Variants in SERINC5 observed in about 807,000 individuals in gnomAD.
The protein encoded by SERINC5 is chromosome 5 open reading frame 12.
A neutral mutation model predicts 63.1 loss-of-function variants in SERINC5; 41 were observed. That is an observed-to-expected ratio of 0.65 (90% CI 0.51 to 0.84). SERINC5 has a LOEUF of 0.84. Ranked by LOEUF, SERINC5 falls within the 40% of genes least tolerant of loss-of-function variation. The probability of loss-of-function intolerance (pLI) is 0.00; values close to 1 mark genes in which losing one functional copy is unlikely to be tolerated. For synonymous variants in SERINC5, 222 were observed against 215.2 expected (o/e 1.03, Z -0.28); for missense variants, 523 against 573.0 (o/e 0.91, Z 0.89).
chr5:80,140,388 A>G lies in SERINC5; in HGVS notation c.*3275T>C. On this transcript the variant is annotated 3_prime_UTR_variant, in exon 12 of 12. Transcript: ENST00000507668. The stretch of plus-strand genomic sequence containing the variant: ...AGGAAATTAACATTACACTGAGGTT[A>G]TTCATAATAAAGGATCTTCTGAGGA... The G allele has an allele frequency of 1.0e-6, 1 of 982,172 alleles. No homozygotes were observed. Among genetic ancestry groups the G allele is most frequent in the Non-Finnish European group, 1.2e-6 (1 of 828,994 alleles). The allele number at this position is 982,172 out of a possible 1,614,324, so 60.8% of individuals were successfully genotyped here.
At chr5:80,172,896 C>G (rs1580108730) in intron 5 of SERINC5, among the ~76,000 whole-genome samples, 1 of 152,120 alleles carries the variant, frequency 6.6e-6, no homozygotes, top group Non-Finnish European at 1.5e-5. Flanking sequence ...CAGTCCATCC[C>G]AAAGTTAAAT....
chr5:80,247,719 G>A (rs1752225606), intron 1 of SERINC5, among the ~76,000 whole-genome samples: 1 of 152,168 alleles, frequency 6.6e-6, no homozygotes, highest in Non-Finnish European at 1.5e-5. Flanking sequence ...CAGCTCACCA[G>A]TGAGCTATAC....
chr5:80,167,242 C>T (rs1747358128), intron 6 of SERINC5: 1 of 152,164 alleles, frequency 6.6e-6, no homozygotes, highest in African/African-American at 2.4e-5. Context: ...CCCACCTCCA[C>T]CCTCTGATAG....
chr5:80,132,171 G>A (rs1385359341), intron 11 of SERINC5, among the ~76,000 whole-genome samples: 1 of 152,130 alleles, frequency 6.6e-6, no homozygotes, highest in Non-Finnish European at 1.5e-5. Context: ...AGCAATTGTT[G>A]TTTTAAACCA....
chr5:80,177,271 G>T (rs746181485), intron 4 of SERINC5, 44 bp downstream of exon 4: 2 of 1,405,352 alleles, frequency 1.4e-6, no homozygotes, highest in Non-Finnish European at 2.0e-6. Context: ...TGACAAAATG[G>T]GTAAAAACAA....
chr5:80,122,765 C>T (rs1744598940), intron 11 of SERINC5, among the ~76,000 whole-genome samples: 1 of 152,178 alleles, frequency 6.6e-6, no homozygotes, highest in Non-Finnish European at 1.5e-5. Flanking sequence ...ATGGCAGCAC[C>T]ACGTGAGAAG....
intron 1 of SERINC5, among the ~76,000 whole-genome samples, chr5:80,206,811 CTTTTTTTTT>C (rs35026792): frequency 8.5e-6 from 1 of 117,794 alleles, no homozygotes; most frequent in Non-Finnish European, 1.7e-5. Context: ...TCACTGATTG[CTTTTTTTTT>C]TTTTTTTTTT....
intron 1 of SERINC5, among the ~76,000 whole-genome samples, chr5:80,230,571 C>A (rs966233): frequency 0.53 from 80,676 of 151,492 alleles, 22,803 homozygotes; most frequent in African/African-American, 0.73. Flanking sequence ...CAACAACAGC[C>A]GCCACTCTCA....
At chr5:80,158,548 G>A (rs760424547) in intron 8 of SERINC5, 5 of 300,328 alleles carry the variant, frequency 1.7e-5, no homozygotes, top group African/African-American at 2.1e-5. Context: ...GTTAGGCAAC[G>A]GTGCTGCAAC....
chr5:80,132,861 A>G (rs1161448601), intron 11 of SERINC5, among the ~76,000 whole-genome samples: 1 of 152,212 alleles, frequency 6.6e-6, no homozygotes, highest in Non-Finnish European at 1.5e-5. Context: ...GAAAACCTAA[A>G]GCCAATTGCT....
intron 11 of SERINC5, among the ~76,000 whole-genome samples, chr5:80,117,893 A>AGT (rs1409236020): frequency 3.3e-5 from 5 of 151,842 alleles, no homozygotes; most frequent in Non-Finnish European, 7.4e-5. Context: ...TTTTCTCCTC[A>AGT]GTGTGTCTCT....
chr5:80,212,655 A>C, intron 1 of SERINC5, among the ~76,000 whole-genome samples: 1 of 25,110 alleles, frequency 4.0e-5, no homozygotes, highest in South Asian at 1.5e-3. Flanking sequence ...ACAAAAGGGC[A>C]GTGGTGGGGT....
intron 11 of SERINC5, among the ~76,000 whole-genome samples, chr5:80,118,897 A>C (rs1201067379): frequency 6.6e-6 from 1 of 151,858 alleles, no homozygotes; most frequent in East Asian, 1.9e-4. Context: ...TGAACTAATC[A>C]TCTCCCAAAT....
intron 1 of SERINC5, among the ~76,000 whole-genome samples, chr5:80,252,480 A>C (rs1752473463): frequency 6.6e-6 from 1 of 152,132 alleles, no homozygotes. Flanking sequence ...CTAGCACAGA[A>C]CTTTGAACCC....
intron 1 of SERINC5, among the ~76,000 whole-genome samples, chr5:80,227,590 G>A (rs148706357): frequency 0.012 from 1,727 of 140,972 alleles, 6 homozygotes; most frequent in Non-Finnish European, 0.018. Flanking sequence ...GTGAAACCCC[G>A]TCTCTACTAA....
At chr5:80,234,554 A>G (rs1030945799) in intron 1 of SERINC5, among the ~76,000 whole-genome samples, 4 of 152,200 alleles carry the variant, frequency 2.6e-5, no homozygotes, top group Non-Finnish European at 5.9e-5. Context: ...TATCAAAATG[A>G]AAACAGTGCT....
chr5:80,193,399 G>T (rs893857676), intron 2 of SERINC5, among the ~76,000 whole-genome samples: 1 of 152,124 alleles, frequency 6.6e-6, no homozygotes, highest in Non-Finnish European at 1.5e-5. Flanking sequence ...CTACTCCGAG[G>T]CCCTGTCTGT....
chr5:80,187,659 TG>T (rs897978773), intron 2 of SERINC5, among the ~76,000 whole-genome samples: 1 of 152,232 alleles, frequency 6.6e-6, no homozygotes, highest in Non-Finnish European at 1.5e-5. Flanking sequence ...CTCTTTTCTT[TG>T]GGTTATCTGA....
chr5:80,217,239 G>A (rs965683022), intron 1 of SERINC5, among the ~76,000 whole-genome samples: 2 of 151,942 alleles, frequency 1.3e-5, no homozygotes, highest in African/African-American at 4.8e-5. Flanking sequence ...AACCCTGCTC[G>A]TTCTACTTTA....
Sources: gnomAD v4.1 joint callset for allele counts (sites outside exome capture counted in the v4.1 genomes callset) on GRCh38, gnomAD v4.1.1 for gene constraint, MANE v1.5 for transcripts, NCBI Gene and HGNC (gene_info 2026-07-23, HGNC 2026-07-21) for gene names.